The following PHLDB2 variants were observed in gnomAD, a reference collection of about 807,000 sequenced individuals.
The protein encoded by PHLDB2 is pleckstrin homology like domain family B member 2, also known as pleckstrin homology-like domain family B member 2.
In PHLDB2, 71 loss-of-function variants were observed where a neutral mutation model predicts 123.6. That is an observed-to-expected ratio of 0.57 (90% CI 0.47 to 0.70). The LOEUF (loss-of-function observed/expected upper bound fraction) is 0.70, where lower values mean the gene tolerates loss of function less well. Among genes scored for constraint, PHLDB2 ranks in the 30% least tolerant of loss-of-function variants. The pLI is 0.00. For synonymous variants in PHLDB2, 547 were observed against 541.6 expected (o/e 1.01, Z -0.14); for missense variants, 1,446 against 1,519.5 (o/e 0.95, Z 0.80).
chr3:111,748,085 T>C lies in PHLDB2; in HGVS notation c.-49+15382T>C, dbSNP rs116492533. Among the ~76,000 whole-genome samples the C allele has an allele frequency of 9.3e-3, 1,417 of 152,206 alleles. 19 individuals carry two copies. Among genetic ancestry groups the C allele is most frequent in the Non-Finnish European group, 0.015 (1,029 of 68,014 alleles). ...ACAAATTTATTGAAAGGAGGTCAAA[T>C]AGTTTACAAGAGAGCTAAGAATGCT... is the stretch of plus-strand genomic sequence containing the variant. On this transcript the variant is annotated intron_variant, in intron 1 of 17. Transcript: ENST00000393923.
intron 1 of PHLDB2, among the ~76,000 whole-genome samples, chr3:111,882,088 C>T (rs1334984388): frequency 6.6e-6 from 1 of 152,018 alleles, no homozygotes; most frequent in East Asian, 1.9e-4. Flanking sequence ...ATAAAATGTA[C>T]TTCAAAATAT....
chr3:111,822,102 A>T (rs2062413669), intron 1 of PHLDB2, among the ~76,000 whole-genome samples: 2 of 152,148 alleles, frequency 1.3e-5, no homozygotes, highest in African/African-American at 4.8e-5. Flanking sequence ...GTGATATGTC[A>T]AGCCCCATAA....
intron 6 of PHLDB2, among the ~76,000 whole-genome samples, chr3:111,937,783 A>T (rs1162077855): frequency 6.6e-6 from 1 of 151,578 alleles, no homozygotes; most frequent in Non-Finnish European, 1.5e-5. Context: ...TTCTAAAAAA[A>T]AAAATTAAAA....
intron 1 of PHLDB2, among the ~76,000 whole-genome samples, chr3:111,800,308 GA>G (rs1401488490): frequency 1.3e-5 from 2 of 152,158 alleles, no homozygotes; most frequent in East Asian, 3.9e-4. Context: ...GCCTGGCCAA[GA>G]AACTCTTATT....
chr3:111,842,763 C>G (rs1489421661), intron 1 of PHLDB2, among the ~76,000 whole-genome samples: 3 of 152,272 alleles, frequency 2.0e-5, no homozygotes, highest in Non-Finnish European at 4.4e-5. Flanking sequence ...CCTCTTTCAT[C>G]TCTTCCCTAC....
intron 1 of PHLDB2, among the ~76,000 whole-genome samples, chr3:111,761,990 C>T (rs532330354): frequency 2.0e-5 from 3 of 152,300 alleles, no homozygotes; most frequent in Admixed American, 2.0e-4. Context: ...AAAAGGGGCA[C>T]TGCTAAAAGA....
At chr3:111,764,396 T>C (rs1291990591) in intron 1 of PHLDB2, among the ~76,000 whole-genome samples, 2 of 152,196 alleles carry the variant, frequency 1.3e-5, no homozygotes, top group Non-Finnish European at 2.9e-5. Context: ...ACAGAGTACA[T>C]GGTAAACTAG....
chr3:111,851,721 C>G (rs1272647108), intron 2 of PHLDB2, among the ~76,000 whole-genome samples: 3 of 152,118 alleles, frequency 2.0e-5, no homozygotes, highest in Non-Finnish European at 4.4e-5. Context: ...GAAGCCAGTG[C>G]AAGTTTAGAG....
intron 1 of PHLDB2, among the ~76,000 whole-genome samples, chr3:111,740,806 A>G (rs1025912186): frequency 6.6e-6 from 1 of 152,056 alleles, no homozygotes; most frequent in Admixed American, 6.6e-5. Flanking sequence ...ACAAAGTCAG[A>G]GAATCAGAAC....
At chr3:111,890,836 C>CT (rs1297983492) in intron 2 of PHLDB2, among the ~76,000 whole-genome samples, 4 of 152,022 alleles carry the variant, frequency 2.6e-5, no homozygotes, top group South Asian at 2.1e-4. Context: ...TAGTTTGTTC[C>CT]TTTTTTAAAA....
chr3:111,849,601 A>C (rs561798803), intron 2 of PHLDB2, among the ~76,000 whole-genome samples: 1 of 152,378 alleles, frequency 6.6e-6, no homozygotes, highest in East Asian at 1.9e-4. Flanking sequence ...TGAACAGCAC[A>C]GCAAGTGAAT....
At chr3:111,734,567 A>C (rs9880633) in intron 1 of PHLDB2, among the ~76,000 whole-genome samples, 26,937 of 152,146 alleles carry the variant, frequency 0.18, 2,523 homozygotes, top group Admixed American at 0.2. Flanking sequence ...GGGTATGTAC[A>C]GCTTTTTCTT....
intron 1 of PHLDB2, among the ~76,000 whole-genome samples, chr3:111,815,243 G>A (rs1454878474): frequency 6.6e-6 from 1 of 152,130 alleles, no homozygotes; most frequent in Non-Finnish European, 1.5e-5. Flanking sequence ...GACTAATACA[G>A]TATATTGGTA....
Position 111,919,081 on chromosome 3 carries a change from G to A in PHLDB2, c.1729G>A (p.Gly577Ser), listed in dbSNP as rs2068349017. The change falls in exon 4 of 18, where the codon GGT (glycine) becomes AGT (serine). Residue 577 changes from glycine to serine, a missense_variant. This residue lies in a region of PHLDB2 where 832 missense variants were observed against 831.9 expected (regional missense o/e 1.00). Transcript: ENST00000431670. ...YLSILPKTPE[G>S]ISEEQRSQEL... ...TGTTGATTAATCGCAGACCCCAGAG[G>A]GTATAAGTGAAGAACAGAGATCTCA... The A allele has an allele frequency of 6.2e-7, 1 of 1,613,908 alleles. No homozygotes were observed. The highest frequency in any genetic ancestry group is 1.3e-5 in the African/African-American group (1 of 75,028).
chr3:111,797,687 C>G (rs1050657484), intron 1 of PHLDB2, among the ~76,000 whole-genome samples: 2 of 152,306 alleles, frequency 1.3e-5, no homozygotes, highest in African/African-American at 4.8e-5. Flanking sequence ...CTTTCACAAC[C>G]CTTCTCCACC....
At chr3:111,856,459 G>A (rs1196840669), upstream of PHLDB2, among the ~76,000 whole-genome samples, 1 of 152,126 alleles carries the variant, frequency 6.6e-6, no homozygotes, top group East Asian at 1.9e-4. Context: ...AACTCTCACC[G>A]CATCAACTAA....
At chr3:111,952,994 C>T (rs569096109) in intron 11 of PHLDB2, among the ~76,000 whole-genome samples, 1 of 152,312 alleles carries the variant, frequency 6.6e-6, no homozygotes, top group African/African-American at 2.4e-5. Context: ...CTGCATCCCA[C>T]ATCTGGAGAT....
intron 3 of PHLDB2, chr3:111,915,263 C>A (rs940962819): frequency 1.3e-5 from 2 of 152,122 alleles, no homozygotes; most frequent in African/African-American, 4.8e-5. Context: ...AGTAATTTAT[C>A]ACATGGGCAT....
Position 111,884,319 on chromosome 3 carries a change from G to A in PHLDB2, c.242G>A (p.Ser81Asn). Residue 81 changes from serine to asparagine, a missense_variant, in exon 2 of 18, where the codon AGC (serine) becomes AAC (asparagine). By Grantham distance (46) the Ser-to-Asn change is conservative. Transcript: ENST00000431670. The part of the protein sequence containing the change: ...SPSPLGTSVR[S>N]SPSLAKIQGS... ...TCTCCTTTGGGAACCAGTGTCAGAA[G>A]CAGCCCCTCCTTAGCCAAAATCCAG... The A allele has an allele frequency of 6.2e-7, 1 of 1,614,198 alleles. No homozygotes were observed. The highest frequency in any genetic ancestry group is 8.5e-7 in the Non-Finnish European group (1 of 1,180,038).
Sources: gnomAD v4.1 joint callset for allele counts (sites outside exome capture counted in the v4.1 genomes callset) on GRCh38, gnomAD v4.1.1 for gene constraint, gnomAD v4.1.1 regional missense constraint, MANE v1.5 for transcripts, NCBI Gene and HGNC (gene_info 2026-07-23, HGNC 2026-07-21) for gene names.